The following CDK5RAP2 variants were observed in gnomAD, a reference collection of about 807,000 sequenced individuals.
The protein encoded by CDK5RAP2 is CDK5 regulatory subunit associated protein 2.
CDK5RAP2 carries 147 observed loss-of-function variants against 232.9 expected under a neutral mutation model. The ratio of observed to expected loss-of-function variants is 0.63; its 90% CI spans 0.55 to 0.72. The LOEUF is 0.72. Among genes scored for constraint, CDK5RAP2 ranks in the 30% least tolerant of loss-of-function variants. The pLI is 0.00. For synonymous variants in CDK5RAP2, 833 were observed against 833.7 expected, an observed-to-expected ratio of 1.00 and a Z score of 0.01; for missense variants, 2,195 against 2,231.5, an observed-to-expected ratio of 0.98 and a Z score of 0.33.
At chr9:120,415,265 T>A in intron 27 of CDK5RAP2, 106 bp from the exon 28 acceptor site, 1 of 1,331,626 alleles carries the variant, frequency 7.5e-7, no homozygotes, top group Non-Finnish European at 1.1e-6. Context: ...TTGGATGTGT[T>A]AAGATGGTTA....
chr9:120,528,874 G>A (rs2041023901), intron 8 of CDK5RAP2, 77 bp from the exon 9 acceptor site: 6 of 1,030,792 alleles, frequency 5.8e-6, no homozygotes, highest in East Asian at 2.4e-5. Context: ...GAATGAGCAC[G>A]TCCTTGTCGC....
At chr9:120,458,740 C>G (rs2036924983) in intron 19 of CDK5RAP2, 118 bp from the exon 20 acceptor site, 1 of 893,422 alleles carries the variant, frequency 1.1e-6, no homozygotes, top group Non-Finnish European at 1.8e-6. Context: ...ACACACTGAG[C>G]CAGAGAGAAA....
intron 15 of CDK5RAP2, among the ~76,000 whole-genome samples, chr9:120,473,674 T>C (rs548063747): frequency 1.1e-3 from 160 of 152,336 alleles, no homozygotes; most frequent in Non-Finnish European, 1.7e-3. Flanking sequence ...ACAATCATAA[T>C]GATCAATTTG....
chr9:120,415,107 T>C lies in CDK5RAP2; in HGVS notation c.4230A>G (p.Glu1410=). ...GCTTCTCATTTGTTTTAATAGATTC[T>C]TCTAAACGCTTTCTCAAAGTTCGAA... is the stretch of plus-strand genomic sequence containing the variant. ...QEIRTLRKRL[E]ESIKTNEKLR... Residue 1410 remains glutamate (E), a synonymous_variant, in exon 28 of 38, where the codon GAA becomes GAG. Coordinates refer to ENST00000349780, the MANE Select transcript of CDK5RAP2 (RefSeq NM_018249.6). 6.2e-7 allele frequency: 1 copy of C among 1,614,126 alleles called. No homozygotes were observed. Among genetic ancestry groups the C allele is most frequent in the Non-Finnish European group, 8.5e-7 (1 of 1,179,946 alleles).
At chr9:120,494,218 G>T (rs1177198994) in intron 12 of CDK5RAP2, among the ~76,000 whole-genome samples, 2 of 152,006 alleles carry the variant, frequency 1.3e-5, no homozygotes, top group African/African-American at 4.8e-5. Context: ...TTGTATGCAT[G>T]TGTCAATACA....
At position 120,529,962 on chromosome 9, in the gene CDK5RAP2, T is replaced by C. The variant is rs907026575; in HGVS notation, c.825+16A>G. The stretch of plus-strand genomic sequence containing the variant: ...TTGGCTAATTAAAGCCCCCTCTTCA[T>C]GTCCTGTCACCTCACCTCAGTTTCT... On this transcript the variant is annotated intron_variant, in intron 8 of 37. Transcript: ENST00000349780. 1.3e-5 allele frequency: 21 copies of C among 1,613,408 alleles called. No homozygotes were observed. The highest frequency in any genetic ancestry group is 1.8e-5 in the Non-Finnish European group (21 of 1,179,642).
At chr9:120,409,999 G>A (rs928469640) in intron 29 of CDK5RAP2, among the ~76,000 whole-genome samples, 1 of 152,156 alleles carries the variant, frequency 6.6e-6, no homozygotes, top group African/African-American at 2.4e-5. Flanking sequence ...TCATAAGGAC[G>A]AGTTCCCAGC....
chr9:120,476,678 CAAA>C (rs553428055), intron 15 of CDK5RAP2, among the ~76,000 whole-genome samples: 8 of 85,728 alleles, frequency 9.3e-5, no homozygotes, highest in Non-Finnish European at 2.4e-5. Flanking sequence ...GACTCCATCT[CAAA>C]AAAAAAAAAA....
At chr9:120,506,312 G>T (rs1424811914) in intron 12 of CDK5RAP2, among the ~76,000 whole-genome samples, 3 of 152,310 alleles carry the variant, frequency 2.0e-5, no homozygotes, top group South Asian at 2.1e-4. Flanking sequence ...CTACTGTTCA[G>T]AAACAAAGAT....
rs755974121 is a variant in CDK5RAP2, at chr9:120,580,096, G to C, written c.-118C>G. 3 of 615,218 alleles carry C rather than the reference G, an allele frequency of 4.9e-6. No individual in the cohort carries two copies. Among genetic ancestry groups the C allele is most frequent in the African/African-American group, 1.9e-5 (1 of 53,432 alleles). 38.1% of individuals were successfully genotyped at this position (615,218 alleles called of 1,614,324 possible). On this transcript the variant is annotated 5_prime_UTR_variant, in exon 1 of 38. Coordinates refer to ENST00000349780, the MANE Select transcript of CDK5RAP2 (RefSeq NM_018249.6). The stretch of plus-strand genomic sequence containing the variant: ...CCCCCTCCACCCCAGCTCTTGTTCA[G>C]ACTCTGGCGGCGCCGCTGGAATTCA...
chr9:120,491,597 A>G (rs2038911808), intron 12 of CDK5RAP2, 120 bp from the exon 13 acceptor site: 1 of 658,682 alleles, frequency 1.5e-6, no homozygotes, highest in African/African-American at 1.8e-5. Flanking sequence ...AAGGGAGTAT[A>G]CAAGTGTATA....
In CDK5RAP2 at chr9:120,458,549, C is replaced by A. The variant is rs1174129134; in HGVS notation, c.2276G>T (p.Cys759Phe). The change falls in exon 20 of 38, where the codon TGT (cysteine) becomes TTT (phenylalanine). Residue 759 changes from cysteine (C) to phenylalanine (F), a missense_variant. Physicochemically the swap from Cys to Phe is radical, Grantham distance 205. Transcript: ENST00000349780. The stretch of plus-strand genomic sequence containing the variant: ...GCAGCCAGGTGCGTGGGCCCCATCA[C>A]AATCTGAAATCTTAGACTCCGTGTG... Reference protein sequence around the residue: ...LRHTESKISDCDGAHAPGCLE... With the variant: ...LRHTESKISDFDGAHAPGCLE... 3 of 1,614,148 alleles carry A rather than the reference C, an allele frequency of 1.9e-6. 1 individual carries two copies. The highest frequency in any genetic ancestry group is 1.7e-5 in the Admixed American group (1 of 60,024).
At chr9:120,538,596 C>A (rs1044053329) in intron 6 of CDK5RAP2, among the ~76,000 whole-genome samples, 7 of 152,286 alleles carry the variant, frequency 4.6e-5, no homozygotes, top group South Asian at 2.1e-4. Flanking sequence ...GCCTAAAGGT[C>A]AGAGTCTGGT....
chr9:120,515,180 TA>T (rs554004260), intron 12 of CDK5RAP2, among the ~76,000 whole-genome samples: 21 of 150,436 alleles, frequency 1.4e-4, no homozygotes, highest in East Asian at 5.8e-4. Context: ...TGTTTTAAAC[TA>T]AAAAAAAAGG....
At chr9:120,494,860 G>T (rs1460551301) in intron 12 of CDK5RAP2, among the ~76,000 whole-genome samples, 1 of 118,178 alleles carries the variant, frequency 8.5e-6, no homozygotes, top group African/African-American at 4.2e-5. Flanking sequence ...GGTTGGCGCG[G>T]CTGCGCTGCG....
rs143856988 is a variant in CDK5RAP2, at chr9:120,488,004, T to C, written c.1483-567A>G. The stretch of plus-strand genomic sequence containing the variant: ...TGGTCACATGTGAAAGGCTCCTTCA[T>C]GATCACACATGATATGATTCCACTG... On this transcript the variant is annotated intron_variant, in intron 13 of 37. Transcript: ENST00000349780. Among the ~76,000 whole-genome samples the C allele has an allele frequency of 6.4e-3, 976 of 152,328 alleles. 7 individuals carry two copies. The highest frequency in any genetic ancestry group is 9.3e-3 in the Non-Finnish European group (633 of 68,036).
chr9:120,471,688 T>C, intron 16 of CDK5RAP2, 60 bp downstream of exon 16: 1 of 1,611,544 alleles, frequency 6.2e-7, no homozygotes, highest in Non-Finnish European at 8.5e-7. Context: ...TCTCCTGAAG[T>C]TCAGTCCATG....
intron 21 of CDK5RAP2, among the ~76,000 whole-genome samples, chr9:120,452,238 GTCTCTCTC>G (rs373806149): frequency 0.024 from 3,381 of 142,930 alleles, 126 homozygotes; most frequent in African/African-American, 0.083. Flanking sequence ...TATAATGGCA[GTCTCTCTC>G]TCTCTCTCTC....
At position 120,530,653 on chromosome 9, in the gene CDK5RAP2, T is replaced by C. The variant is rs12342714; in HGVS notation, c.663-513A>G. Among the ~76,000 whole-genome samples the C allele has an allele frequency of 4.8e-3, 724 of 152,098 alleles. 3 individuals carry two copies. Among genetic ancestry groups the C allele is most frequent in the African/African-American group, 0.017 (701 of 41,470 alleles). On this transcript the variant is annotated intron_variant, in intron 7 of 37. Coordinates refer to ENST00000349780, the MANE Select transcript of CDK5RAP2 (RefSeq NM_018249.6). ...CTGGATTAAGAAAATGTGGCACATA[T>C]ACACCATGGAATACTATGCAGCCAT...
Sources: gnomAD v4.1 joint callset for allele counts (sites outside exome capture counted in the v4.1 genomes callset) on GRCh38, gnomAD v4.1.1 for gene constraint, MANE v1.5 for transcripts, NCBI Gene and HGNC (gene_info 2026-07-23, HGNC 2026-07-21) for gene names.